PDSS2: variants seen among roughly 807,000 people sequenced by gnomAD.
The protein encoded by PDSS2 is decaprenyl diphosphate synthase subunit 2, also known as all trans-polyprenyl-diphosphate synthase PDSS2.
In PDSS2, 31 loss-of-function variants were observed where a neutral mutation model predicts 44.5. That is an observed-to-expected ratio of 0.70 (90% CI 0.52 to 0.94). PDSS2 has a LOEUF of 0.94. Ranked by LOEUF, PDSS2 falls within the 40% of genes least tolerant of loss-of-function variation. PDSS2 has a pLI of 0.00. For missense variants in PDSS2, 452 were observed against 482.2 expected, an observed-to-expected ratio of 0.94 and a Z score of 0.59; for synonymous variants, 157 against 180.3, an observed-to-expected ratio of 0.87 and a Z score of 1.03.
intron 1 of PDSS2, among the ~76,000 whole-genome samples, chr6:107,399,024 T>C (rs1445541675): frequency 6.6e-6 from 1 of 152,156 alleles, no homozygotes; most frequent in East Asian, 1.9e-4. Flanking sequence ...AGGGAAGAAA[T>C]CTTTTAATCC....
chr6:107,242,425 G>A (rs946825499), intron 4 of PDSS2, among the ~76,000 whole-genome samples: 1 of 151,948 alleles, frequency 6.6e-6, no homozygotes, highest in Non-Finnish European at 1.5e-5. Context: ...CACTGTGCCC[G>A]CCTAATTTTT....
rs755022216 is a variant in PDSS2, at chr6:107,274,217, A to G, written c.442T>C (p.Leu148=). ...TGAATTAGCTCCGTGATCTCTGCCA[A>G]ACTTCTTTGACTAAAACATAAAGGT... ...VSGIYSCQRS[L]AEITELIHIA... is the part of the protein sequence containing the mutation. Residue 148 remains leucine, a synonymous_variant, in exon 3 of 8, where the codon TTG becomes CTG. Coordinates refer to ENST00000369037, the MANE Select transcript of PDSS2 (RefSeq NM_020381.4). The G allele has an allele frequency of 1.9e-6, 3 of 1,612,318 alleles. No homozygotes were observed. The highest frequency in any genetic ancestry group is 2.2e-5 in the East Asian group (1 of 44,878).
At chr6:107,431,833 T>A (rs1461736181) in intron 1 of PDSS2, among the ~76,000 whole-genome samples, 1 of 152,196 alleles carries the variant, frequency 6.6e-6, no homozygotes, top group East Asian at 1.9e-4. Flanking sequence ...TACAATCCTG[T>A]GAGACAGCAA....
chr6:107,295,047 C>T (rs1455191703), intron 2 of PDSS2, among the ~76,000 whole-genome samples: 3 of 152,020 alleles, frequency 2.0e-5, no homozygotes, highest in East Asian at 3.9e-4. Context: ...TTCTCCTGCC[C>T]CAGCCTCCTG....
At chr6:107,349,697 C>A (rs949124669) in intron 1 of PDSS2, among the ~76,000 whole-genome samples, 2 of 152,132 alleles carry the variant, frequency 1.3e-5, no homozygotes, top group African/African-American at 4.8e-5. Context: ...TGTAGTGAGC[C>A]GAGATCGTGC....
At position 107,414,900 on chromosome 6, in the gene PDSS2, T is replaced by C. The variant is rs111559111; in HGVS notation, c.296+44090A>G. Among the ~76,000 whole-genome samples the C allele has an allele frequency of 2.7e-3, 411 of 152,272 alleles. 4 individuals are homozygous for C. Among genetic ancestry groups the C allele is most frequent in the African/African-American group, 9.6e-3 (400 of 41,550 alleles). ...AACATACTAAAAGGAGAATGTCCCATTGGAAATTCCAGAAACCTGGGACTG... is the reference window on the plus strand; with the variant it reads ...AACATACTAAAAGGAGAATGTCCCACTGGAAATTCCAGAAACCTGGGACTG... On this transcript the variant is annotated intron_variant, in intron 1 of 7. Coordinates refer to ENST00000369037, the MANE Select transcript of PDSS2 (RefSeq NM_020381.4).
At chr6:107,395,565 C>T (rs1779914139) in intron 1 of PDSS2, among the ~76,000 whole-genome samples, 1 of 152,020 alleles carries the variant, frequency 6.6e-6, no homozygotes, top group Non-Finnish European at 1.5e-5. Context: ...AAGTGAAATT[C>T]ATTAAATATA....
chr6:107,248,753 T>C (rs9486570), intron 3 of PDSS2, among the ~76,000 whole-genome samples: 101,939 of 152,044 alleles, frequency 0.67, 34,535 homozygotes, highest in South Asian at 0.77. Flanking sequence ...TATTTATAAT[T>C]AGGCATGTAA....
rs571701577 is a variant in PDSS2, at chr6:107,397,070, C to T, written c.296+61920G>A. Among the ~76,000 whole-genome samples, 67 of 152,152 alleles carry T rather than the reference C, an allele frequency of 4.4e-4. 1 individual carries two copies. The highest frequency in any genetic ancestry group is 1.4e-3 in the East Asian group (7 of 5,178). ...TGAAGCTTTAGTTAGATTCTGCTCACTTCTATTTTCAAAAATCTCAAGGGT... is the reference window on the plus strand; with the variant it reads ...TGAAGCTTTAGTTAGATTCTGCTCATTTCTATTTTCAAAAATCTCAAGGGT... On this transcript the variant is annotated intron_variant, in intron 1 of 7. Transcript: ENST00000369037.
At chr6:107,245,450 TG>T in intron 4 of PDSS2, 97 bp downstream of exon 4, 1 of 358,568 alleles carries the variant, frequency 2.8e-6, no homozygotes, top group Non-Finnish European at 5.0e-6. Flanking sequence ...AAAAAAGCCA[TG>T]TACAATTTAA....
At chr6:107,175,225 A>G (rs1172723336) in intron 7 of PDSS2, among the ~76,000 whole-genome samples, 1 of 151,898 alleles carries the variant, frequency 6.6e-6, no homozygotes, top group Non-Finnish European at 1.5e-5. Flanking sequence ...AAAAAAAAAA[A>G]AAAAGATCTC....
intron 2 of PDSS2, among the ~76,000 whole-genome samples, chr6:107,299,994 T>C (rs1776641087): frequency 6.6e-6 from 1 of 152,070 alleles, no homozygotes; most frequent in African/African-American, 2.4e-5. Context: ...CAAAACTACA[T>C]GAAACCCTCC....
At chr6:107,425,012 T>C (rs150683680) in intron 1 of PDSS2, among the ~76,000 whole-genome samples, 7,927 of 152,188 alleles carry the variant, frequency 0.052, 429 homozygotes, top group African/African-American at 0.14. Context: ...TCTCACGAGA[T>C]CTGATGGTTT....
chr6:107,185,788 T>G (rs1205061892), intron 7 of PDSS2, among the ~76,000 whole-genome samples: 1 of 152,156 alleles, frequency 6.6e-6, no homozygotes. Context: ...GTGGCACTCT[T>G]CCCTCTAGCA....
At chr6:107,361,845 T>C (rs918126417) in intron 1 of PDSS2, among the ~76,000 whole-genome samples, 1 of 152,174 alleles carries the variant, frequency 6.6e-6, no homozygotes, top group African/African-American at 2.4e-5. Flanking sequence ...AAGAACAATA[T>C]GAGTTTAAGA....
intron 4 of PDSS2, among the ~76,000 whole-genome samples, chr6:107,215,893 T>G (rs1384913920): frequency 1.3e-5 from 2 of 151,978 alleles, no homozygotes; most frequent in Non-Finnish European, 2.9e-5. Flanking sequence ...TCCCAGCACT[T>G]TGGGAGGCAG....
At chr6:107,225,135 T>TTATATATATATATATATATATATATA (rs1554256022) in intron 4 of PDSS2, among the ~76,000 whole-genome samples, 1 of 36,494 alleles carries the variant, frequency 2.7e-5, no homozygotes, top group Non-Finnish European at 4.1e-5. Context: ...ATATATATAT[T>TTATATATATATATATATATATATATA]TTTATATATA....
chr6:107,300,246 C>T (rs890895933), intron 2 of PDSS2, among the ~76,000 whole-genome samples: 7 of 152,070 alleles, frequency 4.6e-5, no homozygotes, highest in African/African-American at 1.7e-4. Flanking sequence ...TACTGTGGAC[C>T]CCTGGACCAG....
chr6:107,346,524 C>T (rs1778254678), intron 1 of PDSS2, among the ~76,000 whole-genome samples: 1 of 152,152 alleles, frequency 6.6e-6, no homozygotes, highest in African/African-American at 2.4e-5. Flanking sequence ...CATGTTATAG[C>T]ATATTTACTT....
Sources: gnomAD v4.1 joint callset for allele counts (sites outside exome capture counted in the v4.1 genomes callset) on GRCh38, gnomAD v4.1.1 for gene constraint, MANE v1.5 for transcripts, NCBI Gene and HGNC (gene_info 2026-07-23, HGNC 2026-07-21) for gene names.